Variants in ADAMTS16 observed in about 807,000 individuals in gnomAD.
The protein encoded by ADAMTS16 is ADAM metallopeptidase with thrombospondin type 1 motif 16.
In ADAMTS16, 94 loss-of-function variants were observed where a neutral mutation model predicts 145.8. The observed-to-expected ratio is 0.64, with a 90% CI of 0.55 to 0.77. The LOEUF (loss-of-function observed/expected upper bound fraction) is 0.77. ADAMTS16 is among the 30% of genes least tolerant of loss of function. ADAMTS16 has a pLI of 0.00. For missense variants in ADAMTS16, 1,585 were observed against 1,591.5 expected (o/e 1.00, Z 0.07); for synonymous variants, 659 against 604.3 (o/e 1.09, Z -1.33).
intron 3 of ADAMTS16, among the ~76,000 whole-genome samples, chr5:5,173,489 T>G (rs1735104557): frequency 6.6e-6 from 1 of 152,124 alleles, no homozygotes; most frequent in Admixed American, 6.5e-5. Context: ...TTTTTTTATT[T>G]TTGAGACGGA....
intron 18 of ADAMTS16, among the ~76,000 whole-genome samples, chr5:5,275,185 C>A (rs1159185640): frequency 3.3e-5 from 5 of 152,156 alleles, no homozygotes; most frequent in African/African-American, 1.2e-4. Flanking sequence ...CAATTAGGCA[C>A]CATTGCTCTA....
At chr5:5,210,033 C>T (rs765300009) in intron 10 of ADAMTS16, among the ~76,000 whole-genome samples, 6 of 152,112 alleles carry the variant, frequency 3.9e-5, no homozygotes, top group Non-Finnish European at 7.4e-5. Flanking sequence ...TCAAGCAGAG[C>T]TCCCCCAAAG....
At position 5,261,409 on chromosome 5, in the gene ADAMTS16, A is replaced by G. The variant is rs182682829; in HGVS notation, c.2663-1248A>G. On this transcript the variant is annotated intron_variant, in intron 17 of 22. Coordinates refer to ENST00000274181, the MANE Select transcript of ADAMTS16 (RefSeq NM_139056.4). The stretch of plus-strand genomic sequence containing the variant: ...TGCCTAAGCCTGTCAACGTGCTGGG[A>G]TTACAAGTGCGAGCCACCATGCCTG... Among the ~76,000 whole-genome samples, 280 of 151,918 alleles carry G rather than the reference A, an allele frequency of 1.8e-3. 2 individuals are homozygous for G. Among genetic ancestry groups the G allele is most frequent in the African/African-American group, 6.3e-3 (260 of 41,434 alleles).
At chr5:5,200,072 C>T in intron 8 of ADAMTS16, 60 bp from the exon 9 acceptor site, 1 of 1,518,474 alleles carries the variant, frequency 6.6e-7, no homozygotes, top group South Asian at 1.3e-5. Context: ...TAGAGGGTAT[C>T]AGATAATTTA....
chr5:5,206,130 A>G (rs1036295582), intron 9 of ADAMTS16, among the ~76,000 whole-genome samples: 10 of 152,232 alleles, frequency 6.6e-5, no homozygotes, highest in Non-Finnish European at 1.3e-4. Flanking sequence ...TGTATGGGGT[A>G]TAAGATCTGC....
chr5:5,288,006 A>G (rs558111003), intron 18 of ADAMTS16, among the ~76,000 whole-genome samples: 1 of 152,176 alleles, frequency 6.6e-6, no homozygotes, highest in Non-Finnish European at 1.5e-5. Context: ...ATTTCTAAGT[A>G]TTAGTCTCAG....
chr5:5,260,554 A>G (rs1449945073), intron 17 of ADAMTS16, among the ~76,000 whole-genome samples: 1 of 152,240 alleles, frequency 6.6e-6, no homozygotes, highest in Non-Finnish European at 1.5e-5. Flanking sequence ...GTTTTACCAA[A>G]CTGTGAGGGT....
At chr5:5,173,812 A>G (rs1735115232) in intron 3 of ADAMTS16, among the ~76,000 whole-genome samples, 1 of 152,218 alleles carries the variant, frequency 6.6e-6, no homozygotes, top group South Asian at 2.1e-4. Flanking sequence ...ACTAAGAAAC[A>G]AGTAAAGAGA....
intron 8 of ADAMTS16, among the ~76,000 whole-genome samples, chr5:5,194,285 T>C (rs1025469042): frequency 6.6e-6 from 1 of 152,114 alleles, no homozygotes; most frequent in African/African-American, 2.4e-5. Context: ...AGAAAATATA[T>C]GTATCTATCA....
chr5:5,206,128 G>A (rs1482096808), intron 9 of ADAMTS16, among the ~76,000 whole-genome samples: 2 of 151,982 alleles, frequency 1.3e-5, no homozygotes, highest in Non-Finnish European at 1.5e-5. Flanking sequence ...TTTGTATGGG[G>A]TATAAGATCT....
chr5:5,283,005 A>C (rs1338125424), intron 18 of ADAMTS16, among the ~76,000 whole-genome samples: 1 of 151,970 alleles, frequency 6.6e-6, no homozygotes, highest in Non-Finnish European at 1.5e-5. Flanking sequence ...TCATTGTGTA[A>C]TCAGATCCTA....
chr5:5,212,365 G>T (rs1169246084), intron 10 of ADAMTS16, among the ~76,000 whole-genome samples: 7 of 151,824 alleles, frequency 4.6e-5, no homozygotes, highest in Admixed American at 3.9e-4. Context: ...CCACAACCAC[G>T]CCTGGCTAAT....
intron 9 of ADAMTS16, among the ~76,000 whole-genome samples, chr5:5,206,412 C>T (rs541614048): frequency 3.1e-5 from 2 of 64,646 alleles, no homozygotes; most frequent in Admixed American, 2.7e-4. Flanking sequence ...GGCGACAGAG[C>T]GAGACTCCGT....
intron 11 of ADAMTS16, 52 bp from the exon 12 acceptor site, chr5:5,232,308 GATGAACCC>G: frequency 6.2e-7 from 1 of 1,606,582 alleles, no homozygotes. Flanking sequence ...GCAGTGATGA[GATGAACCC>G]ATCTATCCAT....
At chr5:5,223,987 T>G (rs1436150267) in intron 11 of ADAMTS16, among the ~76,000 whole-genome samples, 1 of 152,096 alleles carries the variant, frequency 6.6e-6, no homozygotes, top group Non-Finnish European at 1.5e-5. Flanking sequence ...TCACATCTTA[T>G]ACATATTCGA....
At position 5,319,675 on chromosome 5, in the gene ADAMTS16, C is replaced by T; in HGVS notation, c.*537C>T. ...CTGCCCAGGCTCCTCCTCCTCCTCC[C>T]CAGCGGCCGAGCATCTCTTACCAGG... On this transcript the variant is annotated 3_prime_UTR_variant, in exon 23 of 23. Coordinates refer to ENST00000274181, the MANE Select transcript of ADAMTS16 (RefSeq NM_139056.4). 1 of 353,238 alleles carries T rather than the reference C, an allele frequency of 2.8e-6. No individual in the cohort carries two copies. Among genetic ancestry groups the T allele is most frequent in the Admixed American group, 4.1e-5 (1 of 24,398 alleles). 21.9% of individuals were successfully genotyped at this position (353,238 alleles called of 1,614,324 possible). A position where few individuals can be genotyped will look rare whatever the true frequency, so the allele number is the denominator to read the frequency against.
At chr5:5,226,375 A>G (rs964935315) in intron 11 of ADAMTS16, among the ~76,000 whole-genome samples, 1 of 152,116 alleles carries the variant, frequency 6.6e-6, no homozygotes, top group African/African-American at 2.4e-5. Context: ...GTATAAAACT[A>G]TCAGATCCCA....
At chr5:5,210,754 C>T (rs1217939466) in intron 10 of ADAMTS16, among the ~76,000 whole-genome samples, 1 of 152,060 alleles carries the variant, frequency 6.6e-6, no homozygotes, top group African/African-American at 2.4e-5. Flanking sequence ...ATCTCTAATC[C>T]CAATTCGTTC....
chr5:5,248,024 A>G (rs900387790), intron 17 of ADAMTS16, among the ~76,000 whole-genome samples: 10 of 152,268 alleles, frequency 6.6e-5, no homozygotes, highest in East Asian at 1.9e-4. Context: ...ATGCGCATGC[A>G]TGAGGCATCA....
Sources: gnomAD v4.1 joint callset for allele counts (sites outside exome capture counted in the v4.1 genomes callset) on GRCh38, gnomAD v4.1.1 for gene constraint, MANE v1.5 for transcripts, NCBI Gene and HGNC (gene_info 2026-07-23, HGNC 2026-07-21) for gene names.